The following CDCA4 variants were observed in gnomAD, a reference collection of about 807,000 sequenced individuals.
The protein encoded by CDCA4 is cell division cycle-associated protein 4.
For synonymous variants in CDCA4, 130 were observed against 137.0 expected, an observed-to-expected ratio of 0.95 and a Z score of 0.36; for missense variants, 294 against 322.1, an observed-to-expected ratio of 0.91 and a Z score of 0.67.
At chr14:105,018,624 CCT>C (rs1483705075) in intron 1 of CDCA4, among the ~76,000 whole-genome samples, 1 of 152,122 alleles carries the variant, frequency 6.6e-6, no homozygotes. Context: ...GGCCCAGCTC[CCT>C]GAGGGCCTCC....
At chr14:105,016,625 C>CTG (rs1320393460) in intron 1 of CDCA4, among the ~76,000 whole-genome samples, 4 of 152,242 alleles carry the variant, frequency 2.6e-5, no homozygotes, top group Non-Finnish European at 5.9e-5. Context: ...AGCTCCACGT[C>CTG]TGTGTTCCTA....
chr14:105,016,635 A>G (rs1194973287), intron 1 of CDCA4, among the ~76,000 whole-genome samples: 1 of 151,876 alleles, frequency 6.6e-6, no homozygotes, highest in Non-Finnish European at 1.5e-5. Context: ...CTGTGTTCCT[A>G]CCCTGTTCCA....
intron 1 of CDCA4, among the ~76,000 whole-genome samples, chr14:105,014,336 C>T (rs1900589247): frequency 6.6e-6 from 1 of 152,184 alleles, no homozygotes; most frequent in Non-Finnish European, 1.5e-5. Flanking sequence ...AGAGGAAGGG[C>T]ACATAGGACC....
At chr14:105,020,333 CAGG>C (rs1373447463) in intron 1 of CDCA4, among the ~76,000 whole-genome samples, 2 of 152,240 alleles carry the variant, frequency 1.3e-5, no homozygotes, top group African/African-American at 2.4e-5. Context: ...ACGAAGGCCA[CAGG>C]AGAAGCGAGG....
In CDCA4 at chr14:105,011,610, C is replaced by T. The variant is rs1900504557; in HGVS notation, c.320G>A (p.Gly107Glu). Residue 107 changes from glycine (G) to glutamate (E), a missense_variant, in exon 2 of 2, where the codon GGG becomes GAG. Transcript: ENST00000336219. Reference protein sequence around the residue: ...STEILCRAAWGQEGAHPAPGL... With the variant: ...STEILCRAAWEQEGAHPAPGL... ...AGGAGCAGGATGTGCCCCCTCTTGC[C>T]CCCACGCTGCACGGCACAGGATCTC... The T allele has an allele frequency of 1.9e-6, 3 of 1,613,866 alleles. No homozygotes were observed. The highest frequency in any genetic ancestry group is 1.6e-4 in the Middle Eastern group (1 of 6,062).
chr14:105,020,256 G>A (rs909385111), intron 1 of CDCA4, among the ~76,000 whole-genome samples: 6 of 152,234 alleles, frequency 3.9e-5, no homozygotes, highest in East Asian at 1.9e-4. Flanking sequence ...TTGTGAACAG[G>A]CAATGTTTTT....
chr14:105,019,595 CAG>C (rs1014768911), intron 1 of CDCA4, among the ~76,000 whole-genome samples: 1 of 152,254 alleles, frequency 6.6e-6, no homozygotes, highest in Non-Finnish European at 1.5e-5. Flanking sequence ...ATCGGAAAAA[CAG>C]GGAGAAGAGG....
At position 105,011,317 on chromosome 14, in the gene CDCA4, C is replaced by G; in HGVS notation, c.613G>C (p.Gly205Arg). 1 of 1,614,148 alleles carries G rather than the reference C, an allele frequency of 6.2e-7. No individual in the cohort carries two copies. Among genetic ancestry groups the G allele is most frequent in the Non-Finnish European group, 8.5e-7 (1 of 1,180,020 alleles). Residue 205 changes from glycine (G) to arginine (R), a missense_variant, in exon 2 of 2, where the codon GGC becomes CGC. By Grantham distance (125) the Gly-to-Arg change is moderately radical. Transcript: ENST00000336219. ...AAGCCCTCGAGCCCTTCGCAGGGGC[C>G]CGGCCTGGCACCCCCCATCATGCCT... ...LTGMMGGARP[G>R]PCEGLEGLAP...
chr14:105,014,349 C>T (rs80128269), intron 1 of CDCA4, among the ~76,000 whole-genome samples: 1 of 152,202 alleles, frequency 6.6e-6, no homozygotes, highest in African/African-American at 2.4e-5. Flanking sequence ...ATAGGACCTC[C>T]TGAACACTGC....
chr14:105,013,761 GTCACAGATC>G, intron 1 of CDCA4, among the ~76,000 whole-genome samples: 1 of 152,260 alleles, frequency 6.6e-6, no homozygotes, highest in South Asian at 2.1e-4. Flanking sequence ...TCCCTTCAGT[GTCACAGATC>G]TCATCCCCGT....
In CDCA4 at chr14:105,017,210, G is replaced by A. The variant is rs565922637; in HGVS notation, c.-7+3789C>T. ...CCTTGGCCTAGTTTCATCACTCTCA[G>A]TTGTAAGCATTCTTTTTTTTTTTAG... is the stretch of plus-strand genomic sequence containing the variant. On this transcript the variant is annotated intron_variant, in intron 1 of 1. Coordinates refer to ENST00000336219, the MANE Select transcript of CDCA4 (RefSeq NM_017955.4). Among the ~76,000 whole-genome samples, 6 of 151,934 alleles carry A rather than the reference G, an allele frequency of 3.9e-5. No individual in the cohort carries two copies. In the East Asian group the frequency reaches 1.2e-3, roughly 30 times the overall value.
At chr14:105,013,215 T>TA (rs1164068535) in intron 1 of CDCA4, among the ~76,000 whole-genome samples, 1 of 151,914 alleles carries the variant, frequency 6.6e-6, no homozygotes, top group Non-Finnish European at 1.5e-5. Flanking sequence ...TTTTTTTTTT[T>TA]AACTGATTCT....
At chr14:105,012,851 T>C (rs1357516574) in intron 1 of CDCA4, among the ~76,000 whole-genome samples, 2 of 151,026 alleles carry the variant, frequency 1.3e-5, no homozygotes, top group Non-Finnish European at 3.0e-5. Flanking sequence ...GACCAGCCCG[T>C]ACAACCATGG....
intron 1 of CDCA4, among the ~76,000 whole-genome samples, chr14:105,012,952 G>C (rs1443268876): frequency 2.6e-5 from 4 of 152,214 alleles, no homozygotes; most frequent in African/African-American, 9.6e-5. Context: ...GGGCAGGGGG[G>C]GTGGGTTCCT....
Sources: gnomAD v4.1 joint callset for allele counts (sites outside exome capture counted in the v4.1 genomes callset) on GRCh38, gnomAD v4.1.1 for gene constraint, MANE v1.5 for transcripts, NCBI Gene and HGNC (gene_info 2026-07-23, HGNC 2026-07-21) for gene names.